Variants in ZNF345 observed in about 807,000 individuals in gnomAD.
ZNF345 encodes zinc finger protein HZF10.
For synonymous variants in ZNF345, 166 were observed against 187.9 expected (o/e 0.88, Z 0.95); for missense variants, 527 against 589.9 (o/e 0.89, Z 1.10).
chr19:36,862,705 A>G (rs942920364), intron 2 of ZNF345, among the ~76,000 whole-genome samples: 4 of 151,746 alleles, frequency 2.6e-5, no homozygotes, highest in African/African-American at 9.7e-5. Context: ...CTATGCAAAA[A>G]GGTAAAGTTA....
At chr19:36,887,335 A>G (rs965012357) in intron 3 of ZNF345, among the ~76,000 whole-genome samples, 2 of 139,978 alleles carry the variant, frequency 1.4e-5, no homozygotes, top group African/African-American at 2.5e-5. Flanking sequence ...ACCTAAGAAC[A>G]TTTGGAATAA....
At chr19:36,875,213 A>G (rs1460352788) in intron 2 of ZNF345, among the ~76,000 whole-genome samples, 1 of 152,204 alleles carries the variant, frequency 6.6e-6, no homozygotes, top group Non-Finnish European at 1.5e-5. Context: ...ATTACCTATT[A>G]TCAAAACAAA....
rs377134190 is a variant in ZNF345, at chr19:36,892,399, C to T, written c.47-419C>T. On this transcript the variant is annotated intron_variant, in intron 3 of 3. Coordinates refer to the ZNF345 transcript ENST00000526123. ...CTGAATAAAAGTAGACATGTCTTCACGGGTAATTATTACTTGACTGAAATG... is the reference window on the plus strand; with the variant it reads ...CTGAATAAAAGTAGACATGTCTTCATGGGTAATTATTACTTGACTGAAATG... 3.9e-5 allele frequency: 63 copies of T among 1,611,808 alleles called. No homozygotes were observed. The highest frequency in any genetic ancestry group is 3.0e-4 in the Admixed American group (18 of 59,942).
intron 2 of ZNF345, among the ~76,000 whole-genome samples, chr19:36,873,497 G>A (rs1048779464): frequency 2.6e-5 from 4 of 152,078 alleles, no homozygotes; most frequent in Non-Finnish European, 4.4e-5. Context: ...TGTGGCAAGA[G>A]CACCTAAAAA....
intron 2 of ZNF345, among the ~76,000 whole-genome samples, chr19:36,860,044 G>A (rs1011159373): frequency 5.3e-5 from 8 of 151,920 alleles, no homozygotes; most frequent in African/African-American, 1.2e-4. Flanking sequence ...TGCAAGTGCC[G>A]CCTCCTGGGT....
chr19:36,855,955 C>A (rs966036492), intron 2 of ZNF345, among the ~76,000 whole-genome samples: 4 of 152,152 alleles, frequency 2.6e-5, no homozygotes, highest in Non-Finnish European at 5.9e-5. Context: ...AAGAGCGTGA[C>A]CTTAAGTATC....
At chr19:36,864,151 C>G (rs2072612036) in intron 2 of ZNF345, among the ~76,000 whole-genome samples, 2 of 152,078 alleles carry the variant, frequency 1.3e-5, no homozygotes, top group African/African-American at 4.8e-5. Flanking sequence ...AATTATTAAC[C>G]ATCGTGGAAC....
chr19:36,877,675 G>A lies in ZNF345; in HGVS notation c.845G>A (p.Gly282Asp). The A allele has an allele frequency of 6.2e-7, 1 of 1,614,132 alleles. No individual in the cohort carries two copies. Among genetic ancestry groups the A allele is most frequent in the Non-Finnish European group, 8.5e-7 (1 of 1,180,018 alleles). Reference protein sequence around the residue: ...ALTRHQRIHTGEKPYVCKECG... With the variant: ...ALTRHQRIHTDEKPYVCKECG... ...ACTCGACATCAAAGAATTCATACTG[G>A]TGAGAAACCTTATGTATGTAAGGAA... Residue 282 changes from glycine to aspartate, a missense_variant, in exon 3 of 3, where the codon GGT (glycine) becomes GAT (aspartate). Coordinates refer to ENST00000420450, the MANE Select transcript of ZNF345 (RefSeq NM_001242472.2).
chr19:36,860,378 G>T (rs8106752), intron 2 of ZNF345, among the ~76,000 whole-genome samples: 48,779 of 151,950 alleles, frequency 0.32, 8,953 homozygotes, highest in East Asian at 0.7. Flanking sequence ...TAAAATTTTT[G>T]ATTCATCCCA....
intron 2 of ZNF345, among the ~76,000 whole-genome samples, chr19:36,853,743 T>C (rs991545219): frequency 8.5e-5 from 13 of 152,222 alleles, no homozygotes; most frequent in Admixed American, 6.5e-4. Flanking sequence ...TCTATGTCTA[T>C]TTCTGGATTC....
intron 3 of ZNF345, among the ~76,000 whole-genome samples, chr19:36,885,184 T>G (rs1322529473): frequency 6.6e-6 from 1 of 151,876 alleles, no homozygotes; most frequent in African/African-American, 2.4e-5. Context: ...TTACTAGAAT[T>G]ATATATAGAA....
In ZNF345 at chr19:36,877,417, A is replaced by G; in HGVS notation, c.587A>G (p.His196Arg). The G allele has an allele frequency of 6.2e-7, 1 of 1,614,154 alleles. No individual in the cohort carries two copies. Among genetic ancestry groups the G allele is most frequent in the East Asian group, 2.2e-5 (1 of 44,870 alleles). The stretch of plus-strand genomic sequence containing the variant: ...GCCCTTATTCGGCATCACAGAATTC[A>G]CACAGGTGAGAAACCTTATGAATGT... Reference protein sequence around the residue: ...ESALIRHHRIHTGEKPYECID... With the variant: ...ESALIRHHRIRTGEKPYECID... Residue 196 changes from histidine (H) to arginine (R), a missense_variant, in exon 3 of 3, where the codon CAC (histidine) becomes CGC (arginine). Coordinates refer to ENST00000420450, the MANE Select transcript of ZNF345 (RefSeq NM_001242472.2).
chr19:36,876,883 G>A lies in ZNF345; in HGVS notation c.53G>A (p.Trp18Ter), dbSNP rs1308268193. ...GAGTGTTCAAGTTTCAGAGGTGATT[G>A]GGAATGTAAAAACCAGTTTGAGAGA... ...SIECSSFRGD[W>*]ECKNQFERKQ... The change falls in exon 3 of 3, where the codon TGG becomes TAG. Residue 18 changes from tryptophan to a stop codon, truncating the protein, a stop_gained. Coordinates refer to ENST00000420450, the MANE Select transcript of ZNF345 (RefSeq NM_001242472.2). LOFTEE classifies it low-confidence loss of function (END_TRUNC). 1 of 1,613,894 alleles carries A rather than the reference G, an allele frequency of 6.2e-7. No individual in the cohort carries two copies. The highest frequency in any genetic ancestry group is 8.5e-7 in the Non-Finnish European group (1 of 1,179,896).
In ZNF345 at chr19:36,878,103, C is replaced by T; in HGVS notation, c.1273C>T (p.Pro425Ser). The change falls in exon 3 of 3, where the codon CCC (proline) becomes TCC (serine). Residue 425 changes from proline to serine, a missense_variant. Transcript: ENST00000420450. The part of the protein sequence containing the change: ...RHQRIHTGEK[P>S]YECKECGKAF... ...CCAGAGAATACACACTGGTGAGAAA[C>T]CCTATGAATGTAAGGAGTGTGGGAA... 6.2e-7 allele frequency: 1 copy of T among 1,614,058 alleles called. No individual in the cohort carries two copies. The highest frequency in any genetic ancestry group is 1.3e-5 in the African/African-American group (1 of 75,026).
intron 3 of ZNF345, chr19:36,891,557 C>G (rs763558897): frequency 6.2e-7 from 1 of 1,610,498 alleles, no homozygotes; most frequent in Non-Finnish European, 8.5e-7. Context: ...TTTCCACATT[C>G]CTTACAGTCA....
intron 2 of ZNF345, among the ~76,000 whole-genome samples, chr19:36,862,028 T>C (rs985259188): frequency 6.6e-6 from 1 of 151,912 alleles, no homozygotes; most frequent in African/African-American, 2.4e-5. Context: ...ACCTGGCTAA[T>C]TTTTGTATTT....
chr19:36,870,599 T>G (rs1456702131), intron 2 of ZNF345, among the ~76,000 whole-genome samples: 1 of 152,226 alleles, frequency 6.6e-6, no homozygotes, highest in Admixed American at 6.5e-5. Context: ...TATTGATTCT[T>G]TGGCAGGGCA....
At chr19:36,873,569 A>G (rs2072814367) in intron 2 of ZNF345, among the ~76,000 whole-genome samples, 1 of 152,174 alleles carries the variant, frequency 6.6e-6, no homozygotes, top group Admixed American at 6.5e-5. Context: ...CTCATGTTGT[A>G]CATTGGATCT....
chr19:36,886,973 G>GA (rs1031053248), intron 3 of ZNF345, among the ~76,000 whole-genome samples: 1 of 138,942 alleles, frequency 7.2e-6, no homozygotes, highest in African/African-American at 2.8e-5. Context: ...CAGCTTGGGC[G>GA]AAAGAGTGAG....
Sources: allele counts gnomAD v4.1 joint callset (sites outside exome capture counted in the v4.1 genomes callset), GRCh38; gene constraint gnomAD v4.1.1; transcripts MANE v1.5; gene names NCBI Gene and HGNC (gene_info 2026-07-23, HGNC 2026-07-21).